Variants in MSX2 observed in about 807,000 individuals in gnomAD.
The protein encoded by MSX2 is homeobox protein MSX-2.
In MSX2, 10 loss-of-function variants were observed where a neutral mutation model predicts 18.4. The ratio of observed to expected loss-of-function variants is 0.54; its 90% CI spans 0.34 to 0.92. MSX2 has a LOEUF of 0.92. MSX2 is among the 40% of genes least tolerant of loss of function. The probability of loss-of-function intolerance (pLI) is 0.02; values close to 1 mark genes in which losing one functional copy is unlikely to be tolerated. For synonymous variants in MSX2, 170 were observed against 165.6 expected (o/e 1.03, Z -0.20); for missense variants, 339 against 364.0 (o/e 0.93, Z 0.56).
At chr5:174,725,436 T>C (rs1469357038) in intron 1 of MSX2, among the ~76,000 whole-genome samples, 1 of 152,188 alleles carries the variant, frequency 6.6e-6, no homozygotes, top group Admixed American at 6.5e-5. Context: ...GTTGGATCCA[T>C]GTTCAGTGAG....
chr5:174,725,574 C>T (rs879649038), intron 1 of MSX2, among the ~76,000 whole-genome samples: 1 of 152,058 alleles, frequency 6.6e-6, no homozygotes, highest in Non-Finnish European at 1.5e-5. Context: ...GTGAGTCCCG[C>T]GGGTGTCGAA....
At chr5:174,729,031 G>C in intron 1 of MSX2, 128 bp from the exon 2 acceptor site, 1 of 778,614 alleles carries the variant, frequency 1.3e-6, no homozygotes, top group Non-Finnish European at 2.1e-6. Flanking sequence ...TTAAAGCTAA[G>C]TGCTTTCAGT....
chr5:174,727,075 A>G (rs1760818526), intron 1 of MSX2, among the ~76,000 whole-genome samples: 1 of 152,134 alleles, frequency 6.6e-6, no homozygotes, highest in Non-Finnish European at 1.5e-5. Context: ...AAAAACAAAA[A>G]AAAAACACCA....
rs1338377803 is a variant in MSX2, at chr5:174,729,859, T to G, written c.*276T>G. 1 of 163,434 alleles carries G rather than the reference T, an allele frequency of 6.1e-6. No homozygotes were observed. Among genetic ancestry groups the G allele is most frequent in the Non-Finnish European group, 1.3e-5 (1 of 76,748 alleles). 10.1% of individuals were successfully genotyped at this position (163,434 alleles called of 1,614,324 possible). ...TTTATGTATAAATATATATATATAA[T>G]AAAATATAATACATTTTTATACAGC... On this transcript the variant is annotated 3_prime_UTR_variant, in exon 2 of 2. Transcript: ENST00000239243.
chr5:174,729,111 T>C lies in MSX2; in HGVS notation c.380-48T>C, dbSNP rs74727414. The C allele has an allele frequency of 2.5e-6, 4 of 1,588,388 alleles. No individual in the cohort carries two copies. The African/African-American group carries it at 4.0e-5, about 16-fold the overall frequency. The stretch of plus-strand genomic sequence containing the variant: ...GGAGATGGGTTTTTTTTAGTATTAT[T>C]TTAATGTAACTTTCTTTTGCTAATC... On this transcript the variant is annotated intron_variant, in intron 1 of 1. Coordinates refer to ENST00000239243, the MANE Select transcript of MSX2 (RefSeq NM_002449.5).
chr5:174,727,770 G>A (rs759698172), intron 1 of MSX2, among the ~76,000 whole-genome samples: 98 of 152,086 alleles, frequency 6.4e-4, no homozygotes, highest in Non-Finnish European at 1.2e-3. Flanking sequence ...GTAATAATGC[G>A]ACACTGGAAC....
rs1046514950 is a variant in MSX2, at chr5:174,729,857, A to G, written c.*274A>G. 2.4e-5 allele frequency: 4 copies of G among 163,530 alleles called. No individual in the cohort carries two copies. The highest frequency in any genetic ancestry group is 9.6e-5 in the African/African-American group (4 of 41,582). The allele number at this position is 163,530 out of a possible 1,614,324, so 10.1% of individuals were successfully genotyped here. On this transcript the variant is annotated 3_prime_UTR_variant, in exon 2 of 2. Transcript: ENST00000239243. ...TTTTTATGTATAAATATATATATATAATAAAATATAATACATTTTTATACA... is the reference window on the plus strand; with the variant it reads ...TTTTTATGTATAAATATATATATATGATAAAATATAATACATTTTTATACA...
rs371825159 is a variant in MSX2 at position 174,729,505 on chromosome 5, C to A, written c.726C>A (p.Phe242Leu). ...CCATATATGGAGCATCCTACCCGTT[C>A]CATAGACCTGTGCTTCCCATCCCGC... ...AASIYGASYP[F>L]HRPVLPIPPV... Residue 242 changes from phenylalanine (F) to leucine (L), a missense_variant, in exon 2 of 2, where the codon TTC becomes TTA. Coordinates refer to ENST00000239243, the MANE Select transcript of MSX2 (RefSeq NM_002449.5). The A allele has an allele frequency of 6.8e-6, 11 of 1,613,980 alleles. No individual in the cohort carries two copies. Among genetic ancestry groups the A allele is most frequent in the African/African-American group, 1.3e-5 (1 of 75,066 alleles).
At position 174,726,733 on chromosome 5, in the gene MSX2, G is replaced by T. The variant is rs539232608; in HGVS notation, c.379+1695G>T. On this transcript the variant is annotated intron_variant, in intron 1 of 1. Coordinates refer to ENST00000239243, the MANE Select transcript of MSX2 (RefSeq NM_002449.5). ...ACTTACCCACTTTATCGACAGTGAG[G>T]TAGAGGCTCAGAAAATTAAAAGACT... Among the ~76,000 whole-genome samples the T allele has an allele frequency of 4.7e-4, 71 of 152,266 alleles. 1 individual carries two copies. The South Asian group carries it at 0.014, about 30-fold the overall frequency.
rs1157451810 is a variant in MSX2 at position 174,726,236 on chromosome 5, G to A, written c.379+1198G>A. 2.0e-5 allele frequency among the ~76,000 whole-genome samples: 3 copies of A among 152,116 alleles called. No homozygotes were observed. In the East Asian group the frequency reaches 5.8e-4, roughly 29 times the overall value. Reference sequence around the variant, plus strand: ...TCCCCTACCTGTAGGAAAGGTGAGGGTGGGGGCTGTGGAGGGACTTTCTCC... The same window carrying A: ...TCCCCTACCTGTAGGAAAGGTGAGGATGGGGGCTGTGGAGGGACTTTCTCC... On this transcript the variant is annotated intron_variant, in intron 1 of 1. Transcript: ENST00000239243.
At chr5:174,725,369 C>G (rs1045246635) in intron 1 of MSX2, among the ~76,000 whole-genome samples, 1 of 152,186 alleles carries the variant, frequency 6.6e-6, no homozygotes, top group Non-Finnish European at 1.5e-5. Context: ...GCGCTCTGGC[C>G]ACTTGGCTTG....
At chr5:174,729,086 G>A in intron 1 of MSX2, 73 bp from the exon 2 acceptor site, 7 of 1,469,050 alleles carry the variant, frequency 4.8e-6, no homozygotes, top group African/African-American at 2.8e-5. Context: ...AGATGACGGG[G>A]GAGATGGGTT....
At chr5:174,728,810 A>G (rs928212194) in intron 1 of MSX2, among the ~76,000 whole-genome samples, 2 of 152,164 alleles carry the variant, frequency 1.3e-5, no homozygotes, top group Non-Finnish European at 2.9e-5. Context: ...CAGTTACACC[A>G]TTACATTTCC....
chr5:174,725,153 G>A (rs755909150), intron 1 of MSX2, 115 bp downstream of exon 1: 18 of 1,467,668 alleles, frequency 1.2e-5, no homozygotes, highest in Non-Finnish European at 1.5e-5. Flanking sequence ...ACACTCCCGG[G>A]AAAGCAAGCC....
At chr5:174,729,106 A>G in intron 1 of MSX2, 53 bp from the exon 2 acceptor site, 2 of 1,573,660 alleles carry the variant, frequency 1.3e-6, no homozygotes, top group East Asian at 2.3e-5. Context: ...TTTTTTTAGT[A>G]TTATTTTAAT....
In MSX2 at chr5:174,730,589, AT is replaced by A; in HGVS notation, c.*1007del. The A allele has an allele frequency of 6.6e-6, 1 of 151,836 alleles. No homozygotes were observed. The highest frequency in any genetic ancestry group is 1.9e-4 in the East Asian group (1 of 5,158). 9.4% of individuals were successfully genotyped at this position (151,836 alleles called of 1,614,324 possible). A position where few individuals can be genotyped will look rare whatever the true frequency, so the allele number is the denominator to read the frequency against. On this transcript the variant is annotated 3_prime_UTR_variant, in exon 2 of 2. Coordinates refer to ENST00000239243, the MANE Select transcript of MSX2 (RefSeq NM_002449.5). ...TTAGTAGATCCAGAAAGAAAAAAAA[AT>A]ATGCTTTCTCTGTGTGTGTACCTGT...
rs367836491 is a variant in MSX2, at chr5:174,728,995, G to GTA, written c.380-160_380-159dup. 0.22 allele frequency among the ~76,000 whole-genome samples: 33,722 copies of GTA among 150,274 alleles called. 4,114 individuals carry two copies. The highest frequency in any genetic ancestry group is 0.4 in the Middle Eastern group (117 of 290). ...TGTGTGTGTGTGTGTGTGTGTGTGT[G>GTA]TATATGTATGTATATATAGATTTTT... On this transcript the variant is annotated intron_variant, in intron 1 of 1. Coordinates refer to ENST00000239243, the MANE Select transcript of MSX2 (RefSeq NM_002449.5).
chr5:174,725,398 C>T (rs546302774), intron 1 of MSX2, among the ~76,000 whole-genome samples: 2 of 152,294 alleles, frequency 1.3e-5, no homozygotes, highest in South Asian at 2.1e-4. Context: ...TCACTGTTCC[C>T]CGGAGTCTCT....
At chr5:174,726,803 C>CAGCCAATG (rs1760809746) in intron 1 of MSX2, among the ~76,000 whole-genome samples, 1 of 152,216 alleles carries the variant, frequency 6.6e-6, no homozygotes, top group African/African-American at 2.4e-5. Flanking sequence ...CGCCTATGCC[C>CAGCCAATG]AGCCAATGAT....
Sources: allele counts gnomAD v4.1 joint callset (sites outside exome capture counted in the v4.1 genomes callset), GRCh38; gene constraint gnomAD v4.1.1; transcripts MANE v1.5; gene names NCBI Gene and HGNC (gene_info 2026-07-23, HGNC 2026-07-21).